The following DDX46 variants were observed in gnomAD, a reference collection of about 807,000 sequenced individuals.
DDX46 encodes probable ATP-dependent RNA helicase DDX46.
Under a neutral mutation model 134.9 loss-of-function variants are expected in DDX46, and 30 were observed. That is an observed-to-expected ratio of 0.22 (90% CI 0.17 to 0.30). DDX46 has a LOEUF of 0.30. DDX46 is among the 10% of genes least tolerant of loss of function. The probability of loss-of-function intolerance (pLI) is 1.00; values close to 1 mark genes in which losing one functional copy is unlikely to be tolerated. For missense variants in DDX46, 622 were observed against 1,248.7 expected (o/e 0.50, Z 7.56); for synonymous variants, 415 against 404.1 (o/e 1.03, Z -0.32).
At chr5:134,791,978 C>G (rs928845803) in intron 13 of DDX46, among the ~76,000 whole-genome samples, 6 of 152,066 alleles carry the variant, frequency 3.9e-5, no homozygotes, top group African/African-American at 1.4e-4. Flanking sequence ...AGGAGATCAG[C>G]CTAGCCTGGC....
At position 134,829,950 on chromosome 5, in the gene DDX46, A is replaced by AAATAAATAAATAAAT. The variant is rs1309285212; in HGVS notation, c.*1248_*1249insAATAAATAAATAATA. ...CTCAAAAATAAATAAATAAATAAATAAATAGTATTTTTGAGCCTTCAAGAT... is the reference window on the plus strand; with the variant it reads ...CTCAAAAATAAATAAATAAATAAATAAATAAATAAATAAATAATAGTATTTTTGAGCCTTCAAGAT... On this transcript the variant is annotated 3_prime_UTR_variant, in exon 23 of 23. Coordinates refer to ENST00000452510, the MANE Select transcript of DDX46 (RefSeq NM_001300860.2). 1 of 151,914 alleles carries AAATAAATAAATAAAT rather than the reference A, an allele frequency of 6.6e-6. No individual in the cohort carries two copies. Among genetic ancestry groups the AAATAAATAAATAAAT allele is most frequent in the Non-Finnish European group, 1.5e-5 (1 of 67,984 alleles). 9.4% of individuals were successfully genotyped at this position (151,914 alleles called of 1,614,324 possible).
intron 18 of DDX46, among the ~76,000 whole-genome samples, chr5:134,813,382 G>A (rs1340903771): frequency 6.6e-6 from 1 of 152,174 alleles, no homozygotes; most frequent in African/African-American, 2.4e-5. Flanking sequence ...TGGCTTAGGC[G>A]CTCGTGAGAT....
chr5:134,781,113 A>T lies in DDX46; in HGVS notation c.766-20A>T, dbSNP rs776045024. On this transcript the variant is annotated intron_variant, in intron 6 of 22. Transcript: ENST00000452510. Reference sequence around the variant, plus strand: ...GTGTTTCAGCTTTGCAAAATATTCTATATTTGTTCTTTATTTTAGAAGTCT... The same window carrying T: ...GTGTTTCAGCTTTGCAAAATATTCTTTATTTGTTCTTTATTTTAGAAGTCT... 2 of 1,544,692 alleles carry T rather than the reference A, an allele frequency of 1.3e-6. No individual in the cohort carries two copies. The highest frequency in any genetic ancestry group is 1.7e-6 in the Non-Finnish European group (2 of 1,148,616).
chr5:134,778,804 C>T (rs7716105), intron 6 of DDX46, among the ~76,000 whole-genome samples: 1,531 of 152,188 alleles, frequency 0.01, 22 homozygotes, highest in African/African-American at 0.035. Flanking sequence ...GAACTCCCGA[C>T]CTCAGGTGAT....
At chr5:134,818,087 TTAC>T (rs1415027709) in intron 20 of DDX46, among the ~76,000 whole-genome samples, 2 of 151,876 alleles carry the variant, frequency 1.3e-5, no homozygotes, top group East Asian at 3.9e-4. Context: ...GTAGCTGGGA[TTAC>T]AGGCATGCGC....
At chr5:134,827,499 T>G (rs529859244) in intron 22 of DDX46, among the ~76,000 whole-genome samples, 1 of 152,334 alleles carries the variant, frequency 6.6e-6, no homozygotes, top group African/African-American at 2.4e-5. Context: ...GGTCTCGAAC[T>G]CCTGACCTCA....
At position 134,830,638 on chromosome 5, in the gene DDX46, T is replaced by C. The variant is rs1561879498; in HGVS notation, c.*1932T>C. On this transcript the variant is annotated 3_prime_UTR_variant, in exon 23 of 23. Transcript: ENST00000452510. Reference sequence around the variant, plus strand: ...TTATTCTTCCTGAAAAAGTAAGATATACCTGGGAAATATTCTTGGATCCTT... The same window carrying C: ...TTATTCTTCCTGAAAAAGTAAGATACACCTGGGAAATATTCTTGGATCCTT... The C allele has an allele frequency of 6.6e-6, 1 of 152,586 alleles. No homozygotes were observed. The highest frequency in any genetic ancestry group is 2.4e-5 in the African/African-American group (1 of 41,458). 9.5% of individuals were successfully genotyped at this position (152,586 alleles called of 1,614,324 possible).
At position 134,758,933 on chromosome 5, in the gene DDX46, G is replaced by C; in HGVS notation, c.-6G>C. 1 of 1,613,278 alleles carries C rather than the reference G, an allele frequency of 6.2e-7. No individual in the cohort carries two copies. The highest frequency in any genetic ancestry group is 8.5e-7 in the Non-Finnish European group (1 of 1,179,880). ...CAAGGGCACCAGTATTCCCGCGGTC[G>C]GCAGCATGGGTCGGGAGTCACGGTG... is the stretch of plus-strand genomic sequence containing the variant. On this transcript the variant is annotated 5_prime_UTR_variant, in exon 1 of 23. Coordinates refer to ENST00000452510, the MANE Select transcript of DDX46 (RefSeq NM_001300860.2).
At chr5:134,811,098 A>G in intron 16 of DDX46, 123 bp from the exon 17 acceptor site, 1 of 805,218 alleles carries the variant, frequency 1.2e-6, no homozygotes, top group Non-Finnish European at 1.9e-6. Flanking sequence ...CGTGGCTTTT[A>G]AAATTCTTTA....
chr5:134,782,636 G>A (rs964223065), intron 8 of DDX46, among the ~76,000 whole-genome samples: 1 of 151,858 alleles, frequency 6.6e-6, no homozygotes, highest in African/African-American at 2.4e-5. Context: ...CCCACCCCAG[G>A]CTCAGGTGAT....
intron 18 of DDX46, among the ~76,000 whole-genome samples, chr5:134,813,331 C>T (rs1755200509): frequency 6.6e-6 from 1 of 152,212 alleles, no homozygotes; most frequent in Non-Finnish European, 1.5e-5. Flanking sequence ...CACATAGTTC[C>T]TTATGGTCAG....
chr5:134,822,282 T>A (rs540216255), intron 21 of DDX46, among the ~76,000 whole-genome samples: 1 of 152,318 alleles, frequency 6.6e-6, no homozygotes, highest in Admixed American at 6.5e-5. Flanking sequence ...TACAAAAATT[T>A]TGCTCCTATA....
intron 5 of DDX46, among the ~76,000 whole-genome samples, chr5:134,776,540 G>C: frequency 6.6e-6 from 1 of 152,134 alleles, no homozygotes. Context: ...CTTGTCTCTG[G>C]GGTGGCAAAG....
At position 134,795,971 on chromosome 5, in the gene DDX46, C is replaced by T. The variant is rs1331300719; in HGVS notation, c.1792-17C>T. The T allele has an allele frequency of 3.7e-6, 6 of 1,609,250 alleles. No homozygotes were observed. Among genetic ancestry groups the T allele is most frequent in the Admixed American group, 1.7e-5 (1 of 58,972 alleles). On this transcript the variant is annotated splice_polypyrimidine_tract_variant and intron_variant, in intron 14 of 22. Transcript: ENST00000452510. ...GCATTTTCACTTCATTAACTTGATA[C>T]AATATGGTGTTTTCAGATTGTGATT...
chr5:134,816,693 C>T lies in DDX46; in HGVS notation c.2613+87C>T, dbSNP rs920783459. ...AGGAATTATGTTGAACACAAGTAAACAAGTTGTCCTAGACATTGAGTTTGT... is the reference window on the plus strand; with the variant it reads ...AGGAATTATGTTGAACACAAGTAAATAAGTTGTCCTAGACATTGAGTTTGT... On this transcript the variant is annotated intron_variant, in intron 19 of 22. Coordinates refer to ENST00000452510, the MANE Select transcript of DDX46 (RefSeq NM_001300860.2). The T allele has an allele frequency of 3.1e-6, 4 of 1,302,708 alleles. No individual in the cohort carries two copies. The African/African-American group carries it at 6.0e-5, about 19-fold the overall frequency. 80.7% of individuals were successfully genotyped at this position (1,302,708 alleles called of 1,614,324 possible). A position where few individuals can be genotyped will look rare whatever the true frequency, so the allele number is the denominator to read the frequency against.
chr5:134,790,663 C>A, intron 13 of DDX46, 111 bp downstream of exon 13: 3 of 864,870 alleles, frequency 3.5e-6, no homozygotes, highest in Non-Finnish European at 5.4e-6. Context: ...TTTTCTGTTG[C>A]ACGGTAATAC....
intron 12 of DDX46, chr5:134,790,265 C>A: frequency 3.2e-6 from 2 of 627,356 alleles, no homozygotes; most frequent in South Asian, 1.7e-5. Flanking sequence ...GCCTCATATA[C>A]CCATTGTCAG....
intron 21 of DDX46, among the ~76,000 whole-genome samples, chr5:134,824,973 C>T (rs1431562287): frequency 2.6e-5 from 4 of 152,150 alleles, no homozygotes; most frequent in Non-Finnish European, 4.4e-5. Context: ...GTGGAGAATC[C>T]CTTAAAAGCA....
chr5:134,797,862 G>A (rs1350478739), intron 15 of DDX46, among the ~76,000 whole-genome samples: 1 of 152,034 alleles, frequency 6.6e-6, no homozygotes, highest in Admixed American at 6.6e-5. Context: ...GCCCAGGCTG[G>A]AGTGCAATGG....
Sources: gnomAD v4.1 joint callset for allele counts (sites outside exome capture counted in the v4.1 genomes callset) on GRCh38, gnomAD v4.1.1 for gene constraint, MANE v1.5 for transcripts, NCBI Gene and HGNC (gene_info 2026-07-23, HGNC 2026-07-21) for gene names.